The following GRK7 variants were observed in gnomAD, a reference collection of about 807,000 sequenced individuals.
The protein encoded by GRK7 is G protein-coupled receptor kinase 7.
A neutral mutation model predicts 34.1 loss-of-function variants in GRK7; 24 were observed. The observed-to-expected ratio is 0.70, with a 90% CI of 0.51 to 0.99. The LOEUF (loss-of-function observed/expected upper bound fraction) is 0.99, where lower values mean the gene tolerates loss of function less well. Among genes scored for constraint, GRK7 ranks in the 50% least tolerant of loss-of-function variants. The pLI is 0.00. For missense variants in GRK7, 644 were observed against 707.3 expected, an observed-to-expected ratio of 0.91 and a Z score of 1.02; for synonymous variants, 256 against 279.4, an observed-to-expected ratio of 0.92 and a Z score of 0.84.
chr3:141,790,068 C>T (rs1295141832), intron 4 of GRK7, among the ~76,000 whole-genome samples: 1 of 152,208 alleles, frequency 6.6e-6, no homozygotes, highest in African/African-American at 2.4e-5. Context: ...GTGGCACGAT[C>T]TCAGCTCACT....
At chr3:141,789,018 T>C (rs1212522434) in intron 4 of GRK7, among the ~76,000 whole-genome samples, 1 of 152,166 alleles carries the variant, frequency 6.6e-6, no homozygotes, top group African/African-American at 2.4e-5. Context: ...TTTCACCATG[T>C]TGGCCAAGCT....
chr3:141,763,153 C>T (rs1470719455), upstream of GRK7, among the ~76,000 whole-genome samples: 2 of 152,170 alleles, frequency 1.3e-5, no homozygotes, highest in Non-Finnish European at 2.9e-5. Flanking sequence ...GCTCCTCCTC[C>T]AGATCTTCTT....
intron 2 of GRK7, among the ~76,000 whole-genome samples, chr3:141,777,610 T>C (rs1220766292): frequency 6.6e-6 from 1 of 150,718 alleles, no homozygotes; most frequent in African/African-American, 2.4e-5. Flanking sequence ...TAACCCAAGG[T>C]ACTCCAGGTC....
chr3:141,780,546 C>T lies in GRK7; in HGVS notation c.785C>T (p.Thr262Ile). 2 of 1,614,220 alleles carry T rather than the reference C, an allele frequency of 1.2e-6. No homozygotes were observed. The highest frequency in any genetic ancestry group is 2.2e-5 in the South Asian group (2 of 91,086). ...VSLAYAFESK[T>I]HLCLVMSLMN... is the part of the protein sequence containing the mutation. ...CTGGCCTATGCCTTTGAGAGCAAGACCCATCTCTGCCTTGTCATGAGCCTG... is the reference window on the plus strand; with the variant it reads ...CTGGCCTATGCCTTTGAGAGCAAGATCCATCTCTGCCTTGTCATGAGCCTG... The change falls in exon 4 of 6, where the codon ACC becomes ATC. Residue 262 changes from threonine to isoleucine, a missense_variant. Coordinates refer to ENST00000682958, the MANE Select transcript of GRK7 (RefSeq NM_139209.3).
intron 4 of GRK7, among the ~76,000 whole-genome samples, chr3:141,802,281 A>G (rs1710977517): frequency 6.6e-6 from 1 of 151,814 alleles, no homozygotes; most frequent in African/African-American, 2.4e-5. Flanking sequence ...TGAGCCTAGG[A>G]GGTGGAAGCT....
the GRK7 span, among the ~76,000 whole-genome samples, chr3:141,756,317 GA>G: frequency 3.1e-4 from 37 of 120,088 alleles, no homozygotes; most frequent in Admixed American, 2.4e-3. Flanking sequence ...ATCTCAAAAA[GA>G]AAAAAAAAGG....
At position 141,768,570 on chromosome 3, in the gene GRK7, G is replaced by A. The variant is rs781534841; in HGVS notation, c.-215+2832G>A. Among the ~76,000 whole-genome samples, 83 of 152,034 alleles carry A rather than the reference G, an allele frequency of 5.5e-4. 1 individual carries two copies. Among genetic ancestry groups the A allele is most frequent in the Non-Finnish European group, 9.9e-4 (67 of 68,004 alleles). ...GCTAGGATTACAGGCATGAGCCACC[G>A]CCCCTGGTCCTTGTTAGCTTTTAAC... is the stretch of plus-strand genomic sequence containing the variant. On this transcript the variant is annotated intron_variant, in intron 1 of 5. Coordinates refer to ENST00000682958, the MANE Select transcript of GRK7 (RefSeq NM_139209.3).
intron 4 of GRK7, among the ~76,000 whole-genome samples, chr3:141,800,584 C>T (rs1710948430): frequency 6.6e-6 from 1 of 152,010 alleles, no homozygotes. Context: ...AAGGAACATT[C>T]AGAGAACAAC....
At chr3:141,752,586 A>G in the GRK7 span, among the ~76,000 whole-genome samples, 2 of 152,238 alleles carry the variant, frequency 1.3e-5, no homozygotes, top group Non-Finnish European at 2.9e-5. Context: ...GGCCATTGAT[A>G]ATAATCAAAC....
chr3:141,763,602 C>T lies in GRK7; in HGVS notation c.-2351C>T, dbSNP rs2084566992. ...CCGGATCCAGATCCAGTGTGCGTGG[C>T]AAGGCCAGCACCCCTCCCTGCCCCC... On this transcript the variant is annotated 5_prime_UTR_variant, in exon 1 of 6. Transcript: ENST00000682958. 6.6e-6 allele frequency among the ~76,000 whole-genome samples: 1 copy of T among 152,142 alleles called. No homozygotes were observed. Among genetic ancestry groups the T allele is most frequent in the East Asian group, 1.9e-4 (1 of 5,178 alleles).
intron 4 of GRK7, among the ~76,000 whole-genome samples, chr3:141,805,074 ACACG>A (rs1480309184): frequency 1.5e-5 from 2 of 134,018 alleles, no homozygotes; most frequent in East Asian, 2.2e-4. Flanking sequence ...ACACACACAC[ACACG>A]CACATACACT....
At chr3:141,791,366 TTTTC>T (rs2084723383) in intron 4 of GRK7, among the ~76,000 whole-genome samples, 1 of 152,186 alleles carries the variant, frequency 6.6e-6, no homozygotes, top group South Asian at 2.1e-4. Flanking sequence ...CCAGTTTTTT[TTTTC>T]TTTAAGTGCT....
chr3:141,757,147 C>CTT, the GRK7 span, among the ~76,000 whole-genome samples: 118 of 89,466 alleles, frequency 1.3e-3, no homozygotes, highest in African/African-American at 4.8e-3. Context: ...TTTTTTTTTT[C>CTT]TTTTTTTTTT....
chr3:141,799,134 T>C (rs1710923915), intron 4 of GRK7, among the ~76,000 whole-genome samples: 1 of 151,972 alleles, frequency 6.6e-6, no homozygotes, highest in Admixed American at 6.6e-5. Flanking sequence ...GAGAATTCAC[T>C]GGGATAAGGG....
chr3:141,762,370 T>TTG (rs2084559118), upstream of GRK7, among the ~76,000 whole-genome samples: 2 of 146,352 alleles, frequency 1.4e-5, no homozygotes, highest in South Asian at 2.4e-4. Context: ...TGGAATACCC[T>TTG]GCCGTGTGAG....
chr3:141,801,588 A>G (rs1710967321), intron 4 of GRK7, among the ~76,000 whole-genome samples: 1 of 152,188 alleles, frequency 6.6e-6, no homozygotes, highest in African/African-American at 2.4e-5. Context: ...TTTACTTTTA[A>G]AAGTTTATAG....
intron 5 of GRK7, among the ~76,000 whole-genome samples, chr3:141,811,677 A>T (rs1406347006): frequency 6.6e-6 from 1 of 152,150 alleles, no homozygotes; most frequent in Non-Finnish European, 1.5e-5. Context: ...TTATATTTTT[A>T]AAAAATTTAA....
At chr3:141,769,050 C>T (rs1019782514) in intron 1 of GRK7, among the ~76,000 whole-genome samples, 1 of 152,108 alleles carries the variant, frequency 6.6e-6, no homozygotes, top group Non-Finnish European at 1.5e-5. Flanking sequence ...TCACCTACTC[C>T]CCTATGACTC....
chr3:141,792,008 A>C, intron 4 of GRK7, among the ~76,000 whole-genome samples: 1 of 151,244 alleles, frequency 6.6e-6, no homozygotes, highest in South Asian at 2.1e-4. Flanking sequence ...CATCTAAAAA[A>C]AAAAAAAAAA....
Sources: allele counts gnomAD v4.1 joint callset (sites outside exome capture counted in the v4.1 genomes callset), GRCh38; gene constraint gnomAD v4.1.1; transcripts MANE v1.5; gene names NCBI Gene and HGNC (gene_info 2026-07-23, HGNC 2026-07-21).